Variants in COPS2 observed in about 807,000 individuals in gnomAD.
COPS2 encodes COP9 signalosome subunit 2.
Under a neutral mutation model 66.1 loss-of-function variants are expected in COPS2, and 10 were observed. That is an observed-to-expected ratio of 0.15 (90% CI 0.09 to 0.26). COPS2 has a LOEUF of 0.26. Among genes scored for constraint, COPS2 ranks in the 10% least tolerant of loss-of-function variants. The probability of loss-of-function intolerance (pLI) is 1.00; values close to 1 mark genes in which losing one functional copy is unlikely to be tolerated. For synonymous variants in COPS2, 179 were observed against 171.3 expected, an observed-to-expected ratio of 1.04 and a Z score of -0.35; for missense variants, 215 against 513.3, an observed-to-expected ratio of 0.42 and a Z score of 5.62.
rs1229641915 is a variant in COPS2, at chr15:49,124,721, G to C, written c.*3229C>G. 2 of 152,128 alleles carry C rather than the reference G, an allele frequency of 1.3e-5. No homozygotes were observed. Among genetic ancestry groups the C allele is most frequent in the African/African-American group, 2.4e-5 (1 of 41,448 alleles). 9.4% of individuals were successfully genotyped at this position (152,128 alleles called of 1,614,324 possible). A position where few individuals can be genotyped will look rare whatever the true frequency, so the allele number is the denominator to read the frequency against. ...TAGTCATAAATCCCATATGAAGAATGAAACTCCCAGCTTTACTTGTGTATG... is the reference window on the plus strand; with the variant it reads ...TAGTCATAAATCCCATATGAAGAATCAAACTCCCAGCTTTACTTGTGTATG... On this transcript the variant is annotated 3_prime_UTR_variant, in exon 13 of 13. Coordinates refer to ENST00000388901, the MANE Select transcript of COPS2 (RefSeq NM_004236.4).
chr15:49,147,573 G>A (rs1161660342), intron 1 of COPS2, among the ~76,000 whole-genome samples: 1 of 151,982 alleles, frequency 6.6e-6, no homozygotes, highest in Non-Finnish European at 1.5e-5. Flanking sequence ...TTATAACATT[G>A]TTAAAAACAG....
chr15:49,150,257 A>T (rs964721837), intron 1 of COPS2, among the ~76,000 whole-genome samples: 56 of 149,922 alleles, frequency 3.7e-4, no homozygotes, highest in African/African-American at 1.3e-3. Flanking sequence ...CAAAAAAAAA[A>T]AAAAATAAAT....
intron 1 of COPS2, among the ~76,000 whole-genome samples, chr15:49,147,070 G>C (rs1176807512): frequency 6.6e-6 from 1 of 152,080 alleles, no homozygotes; most frequent in African/African-American, 2.4e-5. Flanking sequence ...CTTTAGGGAA[G>C]ACTTGGAGTA....
At chr15:49,154,273 C>CTGAAGTCACT in intron 1 of COPS2, among the ~76,000 whole-genome samples, 1 of 152,244 alleles carries the variant, frequency 6.6e-6, no homozygotes, top group East Asian at 1.9e-4. Flanking sequence ...TCTTAATGAA[C>CTGAAGTCACT]TGAAGTCACT....
rs1243685837 is a variant in COPS2, at chr15:49,123,281, T to G, written c.*4669A>C. 1 of 152,300 alleles carries G rather than the reference T, an allele frequency of 6.6e-6. No homozygotes were observed. The highest frequency in any genetic ancestry group is 1.9e-4 in the East Asian group (1 of 5,184). 9.4% of individuals were successfully genotyped at this position (152,300 alleles called of 1,614,324 possible). A position where few individuals can be genotyped will look rare whatever the true frequency, so the allele number is the denominator to read the frequency against. On this transcript the variant is annotated 3_prime_UTR_variant, in exon 13 of 13. Coordinates refer to ENST00000388901, the MANE Select transcript of COPS2 (RefSeq NM_004236.4). ...AAACTCTAAACTCCCATAAAATGGA[T>G]GTACAATAAAACAACCTTTAGCAAT...
chr15:49,138,547 T>C (rs976002548), intron 4 of COPS2, among the ~76,000 whole-genome samples: 9 of 152,240 alleles, frequency 5.9e-5, no homozygotes, highest in African/African-American at 2.2e-4. Flanking sequence ...ACACTTGTTT[T>C]TAAGAGTTGG....
chr15:49,144,735 C>A (rs1481692550), intron 2 of COPS2, among the ~76,000 whole-genome samples: 1 of 152,146 alleles, frequency 6.6e-6, no homozygotes, highest in East Asian at 1.9e-4. Context: ...GGTTCTTCTG[C>A]CAGAACCATC....
chr15:49,128,592 C>T (rs2084185874), intron 12 of COPS2, 110 bp downstream of exon 12: 3 of 716,800 alleles, frequency 4.2e-6, no homozygotes, highest in South Asian at 2.1e-5. Context: ...GAAAACCATA[C>T]CCAAGGGTGC....
intron 7 of COPS2, 30 bp downstream of exon 7, chr15:49,134,310 C>T: frequency 1.2e-6 from 2 of 1,604,168 alleles, no homozygotes; most frequent in Non-Finnish European, 1.7e-6. Context: ...CTCCCCATGC[C>T]ACTGCCCACC....
In COPS2 at chr15:49,127,908, T is replaced by C. The variant is rs1299260225; in HGVS notation, c.*42A>G. ...CCAGTTCTTTTAAGGATTACATCTC[T>C]GCACTGTTGCCTTAAGGACGTCTGT... is the stretch of plus-strand genomic sequence containing the variant. On this transcript the variant is annotated 3_prime_UTR_variant, in exon 13 of 13. Coordinates refer to ENST00000388901, the MANE Select transcript of COPS2 (RefSeq NM_004236.4). The C allele has an allele frequency of 1.2e-6, 2 of 1,605,730 alleles. No homozygotes were observed. Among genetic ancestry groups the C allele is most frequent in the Non-Finnish European group, 1.7e-6 (2 of 1,174,360 alleles).
At chr15:49,131,192 C>A (rs2084205784) in intron 9 of COPS2, among the ~76,000 whole-genome samples, 1 of 151,970 alleles carries the variant, frequency 6.6e-6, no homozygotes, top group Admixed American at 6.6e-5. Context: ...CCTAATTGTT[C>A]ATAATGAAAG....
At chr15:49,150,285 T>A (rs574617664) in intron 1 of COPS2, among the ~76,000 whole-genome samples, 10 of 150,824 alleles carry the variant, frequency 6.6e-5, no homozygotes, top group East Asian at 1.9e-4. Flanking sequence ...AAAAAATAAA[T>A]AAATAAATAA....
chr15:49,136,992 CAAA>C (rs80034361), intron 6 of COPS2, among the ~76,000 whole-genome samples, 155 bp downstream of exon 6: 1 of 143,094 alleles, frequency 7.0e-6, no homozygotes. Flanking sequence ...CCCTCTCTCT[CAAA>C]AAAAAAAAGA....
Position 49,135,098 on chromosome 15 carries a change from C to T in COPS2, c.541-584G>A, listed in dbSNP as rs147262420. Reference sequence around the variant, plus strand: ...ATAAAATAGAACACATAACAATATACTGTAATAAAAGTTATGTGAATGTGA... The same window carrying T: ...ATAAAATAGAACACATAACAATATATTGTAATAAAAGTTATGTGAATGTGA... On this transcript the variant is annotated intron_variant, in intron 6 of 12. Transcript: ENST00000388901. Among the ~76,000 whole-genome samples the T allele has an allele frequency of 3.0e-3, 455 of 152,230 alleles. 4 individuals carry two copies. The highest frequency in any genetic ancestry group is 0.01 in the African/African-American group (431 of 41,542).
At chr15:49,138,647 G>T (rs1249074099) in intron 4 of COPS2, among the ~76,000 whole-genome samples, 2 of 152,092 alleles carry the variant, frequency 1.3e-5, no homozygotes, top group African/African-American at 4.8e-5. Context: ...AACAAAACAT[G>T]TAAGTTTACC....
At chr15:49,150,857 T>C (rs890439286) in intron 1 of COPS2, among the ~76,000 whole-genome samples, 10 of 152,142 alleles carry the variant, frequency 6.6e-5, no homozygotes, top group African/African-American at 1.9e-4. Flanking sequence ...ACCCTTGTAA[T>C]ACGAACTTAT....
chr15:49,128,118 G>A (rs749289819), intron 12 of COPS2, 24 bp from the exon 13 acceptor site: 1 of 1,604,350 alleles, frequency 6.2e-7, no homozygotes, highest in Non-Finnish European at 8.5e-7. Flanking sequence ...AATAAGATGT[G>A]TCTACAAAAG....
Position 49,133,817 on chromosome 15 carries a change from C to T in COPS2, c.895-6G>A, listed in dbSNP as rs1465817291. 1 of 1,580,948 alleles carries T rather than the reference C, an allele frequency of 6.3e-7. No individual in the cohort carries two copies. Among genetic ancestry groups the T allele is most frequent in the South Asian group, 1.2e-5 (1 of 84,020 alleles). ...TCATTTTTGTACGGCTTGGCCTAAACACAGTAAAGAAAAAAATTAAATATA... is the reference window on the plus strand; with the variant it reads ...TCATTTTTGTACGGCTTGGCCTAAATACAGTAAAGAAAAAAATTAAATATA... On this transcript the variant is annotated splice_polypyrimidine_tract_variant and splice_region_variant and intron_variant, in intron 8 of 12. Coordinates refer to ENST00000388901, the MANE Select transcript of COPS2 (RefSeq NM_004236.4).
At chr15:49,145,313 C>A (rs1239846896) in intron 1 of COPS2, among the ~76,000 whole-genome samples, 1 of 152,142 alleles carries the variant, frequency 6.6e-6, no homozygotes, top group Non-Finnish European at 1.5e-5. Context: ...TCATTACTTT[C>A]TTTCAGATGA....
Sources: gnomAD v4.1 joint callset for allele counts (sites outside exome capture counted in the v4.1 genomes callset) on GRCh38, gnomAD v4.1.1 for gene constraint, MANE v1.5 for transcripts, NCBI Gene and HGNC (gene_info 2026-07-23, HGNC 2026-07-21) for gene names.